Variants in XIRP2 observed in about 807,000 individuals in gnomAD.
XIRP2 encodes the protein xin actin-binding repeat-containing protein 2.
Under a neutral mutation model 277.0 loss-of-function variants are expected in XIRP2, and 236 were observed. That is an observed-to-expected ratio of 0.85 (90% CI 0.77 to 0.95). The LOEUF is 0.95. XIRP2 is among the 40% of genes least tolerant of loss of function. The probability of loss-of-function intolerance (pLI) is 0.00; values close to 1 mark genes in which losing one functional copy is unlikely to be tolerated. For missense variants in XIRP2, 4,640 were observed against 4,157.5 expected (o/e 1.12, Z -3.19); for synonymous variants, 1,490 against 1,416.5 (o/e 1.05, Z -1.17).
chr2:166,935,046 A>G (rs553646516), intron 2 of XIRP2, among the ~76,000 whole-genome samples: 165 of 151,038 alleles, frequency 1.1e-3, no homozygotes, highest in African/African-American at 3.3e-3. Context: ...AAAAAAAAGC[A>G]CAATGTGTGT....
At chr2:166,904,115 A>G (rs1435895217) in intron 2 of XIRP2, among the ~76,000 whole-genome samples, 1 of 152,064 alleles carries the variant, frequency 6.6e-6, no homozygotes. Context: ...AACAATATTG[A>G]TATGCCCTCT....
At chr2:167,062,797 T>C (rs974075013) in intron 2 of XIRP2, among the ~76,000 whole-genome samples, 2 of 152,050 alleles carry the variant, frequency 1.3e-5, no homozygotes, top group Non-Finnish European at 2.9e-5. Flanking sequence ...TACTTCTCTT[T>C]CATTATGATA....
intron 4 of XIRP2, among the ~76,000 whole-genome samples, chr2:167,212,164 T>A (rs1694065024): frequency 6.6e-6 from 1 of 152,236 alleles, no homozygotes; most frequent in Non-Finnish European, 1.5e-5. Flanking sequence ...GGAATAAATG[T>A]GCAGAAGTGA....
intron 3 of XIRP2, among the ~76,000 whole-genome samples, chr2:167,161,412 C>T (rs1357872285): frequency 6.6e-6 from 1 of 152,216 alleles, no homozygotes; most frequent in Non-Finnish European, 1.5e-5. Flanking sequence ...CCTGGACATC[C>T]AGTTGTTTCC....
At chr2:167,124,271 G>T (rs1294288822) in intron 2 of XIRP2, 1 of 152,108 alleles carries the variant, frequency 6.6e-6, no homozygotes, top group Non-Finnish European at 1.5e-5. Flanking sequence ...GAAAAGTTTA[G>T]ATGCTGAGTT....
intron 2 of XIRP2, among the ~76,000 whole-genome samples, chr2:166,927,747 T>G (rs769944666): frequency 6.6e-6 from 1 of 152,132 alleles, no homozygotes; most frequent in Non-Finnish European, 1.5e-5. Flanking sequence ...GGCCACATAT[T>G]CATAAGTTCC....
intron 2 of XIRP2, among the ~76,000 whole-genome samples, chr2:167,123,413 A>AATGTAGAGTACTGGTTTGCTAG (rs1691110710): frequency 6.6e-6 from 1 of 152,218 alleles, no homozygotes; most frequent in Non-Finnish European, 1.5e-5. Flanking sequence ...TATGCCTGTA[A>AATGTAGAGTACTGGTTTGCTAG]GGATAAATGT....
intron 1 of XIRP2, among the ~76,000 whole-genome samples, chr2:166,897,593 G>A (rs1294067222): frequency 6.6e-6 from 1 of 152,092 alleles, no homozygotes; most frequent in Non-Finnish European, 1.5e-5. Context: ...TAGAAGAATA[G>A]GTATTAGCTA....
chr2:167,071,006 C>A (rs1223172647), intron 2 of XIRP2, among the ~76,000 whole-genome samples: 3 of 152,114 alleles, frequency 2.0e-5, no homozygotes, highest in Admixed American at 2.0e-4. Flanking sequence ...TATTTTATAA[C>A]TCAGGCTGAG....
At chr2:166,994,517 G>T (rs1282642460) in intron 2 of XIRP2, among the ~76,000 whole-genome samples, 1 of 146,208 alleles carries the variant, frequency 6.8e-6, no homozygotes, top group Non-Finnish European at 1.5e-5. Context: ...AAATTTGAAG[G>T]CTTAATTTAA....
chr2:167,047,167 C>A (rs1034763209), intron 2 of XIRP2, among the ~76,000 whole-genome samples: 2 of 151,666 alleles, frequency 1.3e-5, no homozygotes, highest in Non-Finnish European at 2.9e-5. Flanking sequence ...TGAAAAAAAT[C>A]TGATAATTTC....
chr2:167,237,728 C>T lies in XIRP2; in HGVS notation c.859-2127C>T, dbSNP rs556935004. ...TTCTATAGAAATGATCACGGTGCCC[C>T]TCATAGGGACCTTGGTTCTGATCAG... On this transcript the variant is annotated intron_variant, in intron 5 of 10. Transcript: ENST00000409195. 5.9e-5 allele frequency among the ~76,000 whole-genome samples: 9 copies of T among 152,296 alleles called. No individual in the cohort carries two copies. In the East Asian group the frequency reaches 1.5e-3, roughly 26 times the overall value.
At chr2:167,180,319 TTA>T in intron 3 of XIRP2, among the ~76,000 whole-genome samples, 1 of 152,282 alleles carries the variant, frequency 6.6e-6, no homozygotes, top group African/African-American at 2.4e-5. Context: ...TCTGAAACAG[TTA>T]TGTTTCTTTG....
intron 5 of XIRP2, among the ~76,000 whole-genome samples, chr2:167,233,560 A>G (rs1315634025): frequency 6.6e-6 from 1 of 151,900 alleles, no homozygotes; most frequent in Non-Finnish European, 1.5e-5. Context: ...AAATAACAAT[A>G]GATAGCATTG....
At chr2:166,900,377 CT>C (rs1184745970) in intron 1 of XIRP2, among the ~76,000 whole-genome samples, 5 of 151,820 alleles carry the variant, frequency 3.3e-5, no homozygotes, top group Admixed American at 6.6e-5. Flanking sequence ...CACTTTTTCA[CT>C]TTTTTTTAAG....
At chr2:167,233,232 T>A (rs1443716897) in intron 5 of XIRP2, among the ~76,000 whole-genome samples, 5 of 151,880 alleles carry the variant, frequency 3.3e-5, no homozygotes. Flanking sequence ...GTGAGTGTAG[T>A]GAGGAATAAT....
chr2:166,962,253 T>C (rs1236083233), intron 2 of XIRP2, among the ~76,000 whole-genome samples: 2 of 151,688 alleles, frequency 1.3e-5, no homozygotes, highest in Non-Finnish European at 3.0e-5. Flanking sequence ...AATAGTCAGA[T>C]CTTGAGCTAT....
intron 2 of XIRP2, among the ~76,000 whole-genome samples, chr2:167,115,062 C>T (rs554638748): frequency 6.6e-6 from 1 of 152,284 alleles, no homozygotes; most frequent in South Asian, 2.1e-4. Context: ...GTCCCACCAA[C>T]AGTGTAAAAG....
At chr2:166,915,396 CT>C (rs1291111263) in intron 2 of XIRP2, among the ~76,000 whole-genome samples, 1 of 150,476 alleles carries the variant, frequency 6.6e-6, no homozygotes, top group Non-Finnish European at 1.5e-5. Flanking sequence ...TTCATATTTT[CT>C]GCTGTTGGGT....
Sources: allele counts gnomAD v4.1 joint callset (sites outside exome capture counted in the v4.1 genomes callset), GRCh38; gene constraint gnomAD v4.1.1; transcripts MANE v1.5; gene names NCBI Gene and HGNC (gene_info 2026-07-23, HGNC 2026-07-21).